The following CYP2C19 variants were observed in gnomAD, a reference collection of about 807,000 sequenced individuals.
CYP2C19 encodes cytochrome P450 2C19.
Under a neutral mutation model 40.9 loss-of-function variants are expected in CYP2C19, and 59 were observed. The observed-to-expected ratio is 1.44, with a 90% CI of 1.17 to 1.79. The LOEUF is 1.79. Ranked by LOEUF, CYP2C19 falls within the 40% of genes most tolerant of loss-of-function variation. The pLI is 0.00. For synonymous variants in CYP2C19, 253 were observed against 208.7 expected (o/e 1.21, Z -1.83); for missense variants, 754 against 596.9 (o/e 1.26, Z -2.74).
At chr10:94,847,741 T>A (rs1849594887) in intron 7 of CYP2C19, among the ~76,000 whole-genome samples, 1 of 152,216 alleles carries the variant, frequency 6.6e-6, no homozygotes, top group Admixed American at 6.5e-5. Flanking sequence ...CTGCACCTGT[T>A]GTTTCCTGAC....
chr10:94,766,239 C>A (rs1160901989), intron 1 of CYP2C19, among the ~76,000 whole-genome samples: 1 of 151,800 alleles, frequency 6.6e-6, no homozygotes, highest in Non-Finnish European at 1.5e-5. Context: ...ACTGGTTTAA[C>A]AAAGAGTGGG....
At chr10:94,807,024 T>C (rs535841773) in intron 5 of CYP2C19, among the ~76,000 whole-genome samples, 25 of 152,254 alleles carry the variant, frequency 1.6e-4, no homozygotes, top group Non-Finnish European at 3.1e-4. Context: ...TTTGTATCTG[T>C]TAACCAACTT....
rs71031597 is a variant in CYP2C19 at position 94,818,012 on chromosome 10, CAAAA to C, written c.820-2463_820-2460del. 6.1e-3 allele frequency among the ~76,000 whole-genome samples: 467 copies of C among 77,166 alleles called. 2 individuals carry two copies. Among genetic ancestry groups the C allele is most frequent in the African/African-American group, 0.021 (414 of 19,940 alleles). 50.6% of individuals were successfully genotyped at this position (77,166 alleles called of 152,430 possible). A position where few individuals can be genotyped will look rare whatever the true frequency, so the allele number is the denominator to read the frequency against. ...TGGGCGACAGAGTGAGACTCCATCT[CAAAA>C]AAAAAAAAAAAAAAAAAAAATCTTT... On this transcript the variant is annotated intron_variant, in intron 5 of 8. Coordinates refer to ENST00000371321, the MANE Select transcript of CYP2C19 (RefSeq NM_000769.4).
chr10:94,845,671 G>A (rs1849563087), intron 7 of CYP2C19, among the ~76,000 whole-genome samples: 1 of 152,164 alleles, frequency 6.6e-6, no homozygotes, highest in South Asian at 2.1e-4. Flanking sequence ...TAATGGTCGT[G>A]CTTCAATGTC....
At chr10:94,839,534 G>T (rs1013583284) in intron 6 of CYP2C19, among the ~76,000 whole-genome samples, 3 of 152,206 alleles carry the variant, frequency 2.0e-5, no homozygotes, top group Non-Finnish European at 4.4e-5. Context: ...CAACCCAGCT[G>T]CCCCATCAAC....
At position 94,850,043 on chromosome 10, in the gene CYP2C19, A is replaced by T; in HGVS notation, c.1276A>T (p.Met426Leu). 6.2e-7 allele frequency: 1 copy of T among 1,613,548 alleles called. No individual in the cohort carries two copies. The highest frequency in any genetic ancestry group is 8.5e-7 in the Non-Finnish European group (1 of 1,179,624). Residue 426 changes from methionine to leucine, a missense_variant, in exon 8 of 9, where the codon ATG becomes TTG. Physicochemically the swap from Met to Leu is conservative, Grantham distance 15 (BLOSUM62 2). Transcript: ENST00000371321. ...AAATTTTAAGAAAAGTAACTACTTC[A>T]TGCCTTTCTCAGCAGGTAATATAAA... ...GGNFKKSNYF[M>L]PFSAGKRICV...
At chr10:94,779,766 G>C (rs970832806) in intron 3 of CYP2C19, among the ~76,000 whole-genome samples, 24 of 151,776 alleles carry the variant, frequency 1.6e-4, no homozygotes, top group Admixed American at 1.6e-3. Context: ...CACCATGTTG[G>C]CCAGGCTGGT....
chr10:94,824,122 T>C (rs746777717), intron 6 of CYP2C19, among the ~76,000 whole-genome samples: 1 of 152,198 alleles, frequency 6.6e-6, no homozygotes. Flanking sequence ...TTTAAGAAAG[T>C]GCTAAAAATA....
At chr10:94,789,812 G>T (rs1483099496) in intron 5 of CYP2C19, among the ~76,000 whole-genome samples, 3 of 152,112 alleles carry the variant, frequency 2.0e-5, no homozygotes, top group Non-Finnish European at 4.4e-5. Context: ...GCTGAGGATT[G>T]TCTTGGCTAT....
In CYP2C19 at chr10:94,852,920, C is replaced by T. The variant is rs2134295248; in HGVS notation, c.*6C>T. The T allele has an allele frequency of 3.1e-6, 5 of 1,613,816 alleles. No individual in the cohort carries two copies. Among genetic ancestry groups the T allele is most frequent in the South Asian group, 1.1e-5 (1 of 91,064 alleles). On this transcript the variant is annotated 3_prime_UTR_variant, in exon 9 of 9. Transcript: ENST00000371321. Reference sequence around the variant, plus strand: ...TGTGCTTCATTCCTGTCTGAAGAAGCACAGATGGTCTGGCTGCTCCTGTGC... The same window carrying T: ...TGTGCTTCATTCCTGTCTGAAGAAGTACAGATGGTCTGGCTGCTCCTGTGC...
At chr10:94,842,101 A>C (rs1314198605) in intron 6 of CYP2C19, among the ~76,000 whole-genome samples, 1 of 152,144 alleles carries the variant, frequency 6.6e-6, no homozygotes, top group African/African-American at 2.4e-5. Context: ...TGAAGTCTCC[A>C]GCTATTATTG....
At chr10:94,800,971 T>A (rs1848756109) in intron 5 of CYP2C19, among the ~76,000 whole-genome samples, 1 of 152,198 alleles carries the variant, frequency 6.6e-6, no homozygotes, top group South Asian at 2.1e-4. Flanking sequence ...CACCTTGCAC[T>A]TCCTGGGTGA....
intron 5 of CYP2C19, among the ~76,000 whole-genome samples, chr10:94,782,556 T>C (rs1356326160): frequency 6.6e-6 from 1 of 152,136 alleles, no homozygotes; most frequent in Non-Finnish European, 1.5e-5. Flanking sequence ...GTGTGGCAAT[T>C]CCTCAAGGAT....
chr10:94,779,208 C>G (rs1214340391), intron 3 of CYP2C19, among the ~76,000 whole-genome samples: 2 of 152,100 alleles, frequency 1.3e-5, no homozygotes, highest in Non-Finnish European at 2.9e-5. Flanking sequence ...ATGCAGCAAA[C>G]CACCATGGCA....
intron 1 of CYP2C19, among the ~76,000 whole-genome samples, chr10:94,773,615 T>C (rs551645823): frequency 6.6e-6 from 1 of 151,272 alleles, no homozygotes; most frequent in Non-Finnish European, 1.5e-5. Context: ...GCTTCAGGAG[T>C]GAAGCTGCAG....
chr10:94,824,702 T>C (rs997797883), intron 6 of CYP2C19, among the ~76,000 whole-genome samples: 27 of 151,990 alleles, frequency 1.8e-4, no homozygotes, highest in African/African-American at 5.8e-4. Context: ...CATGTGCACA[T>C]TGTGCAGGTT....
At chr10:94,780,219 G>A (rs1848462371) in intron 3 of CYP2C19, among the ~76,000 whole-genome samples, 1 of 151,384 alleles carries the variant, frequency 6.6e-6, no homozygotes. Flanking sequence ...TTCTAAAAAA[G>A]TCTCTTTTTT....
chr10:94,831,310 A>G (rs1382654808), intron 6 of CYP2C19, among the ~76,000 whole-genome samples: 6 of 152,206 alleles, frequency 3.9e-5, no homozygotes. Context: ...TCAAAGTCTT[A>G]GCCATTGTAA....
At position 94,775,576 on chromosome 10, in the gene CYP2C19, A is replaced by G. The variant is rs753915418; in HGVS notation, c.481+37A>G. The G allele has an allele frequency of 6.8e-6, 11 of 1,613,808 alleles. No individual in the cohort carries two copies. In the East Asian group the frequency reaches 2.0e-4, roughly 29 times the overall value. ...TACTCTCTATCACTGACCTTTCTGG[A>G]CTGCTCTCCTCTCTACTGACATTCT... On this transcript the variant is annotated intron_variant, in intron 3 of 8. Transcript: ENST00000371321.
Sources: allele counts gnomAD v4.1 joint callset (sites outside exome capture counted in the v4.1 genomes callset), GRCh38; gene constraint gnomAD v4.1.1; transcripts MANE v1.5; gene names NCBI Gene and HGNC (gene_info 2026-07-23, HGNC 2026-07-21).